Variants in ATP10B observed in about 807,000 individuals in gnomAD.
ATP10B encodes ATPase phospholipid transporting 10B (putative).
ATP10B carries 122 observed loss-of-function variants against 141.2 expected under a neutral mutation model. That is an observed-to-expected ratio of 0.86 (90% CI 0.75 to 1.00). The LOEUF (loss-of-function observed/expected upper bound fraction) is 1.00. ATP10B is among the 50% of genes least tolerant of loss of function. The probability of loss-of-function intolerance (pLI) is 0.00; values close to 1 mark genes in which losing one functional copy is unlikely to be tolerated. For missense variants in ATP10B, 1,876 were observed against 1,825.3 expected (o/e 1.03, Z -0.51); for synonymous variants, 685 against 692.0 (o/e 0.99, Z 0.16).
chr5:160,608,774 GTTGT>G (rs1461976953), intron 18 of ATP10B, among the ~76,000 whole-genome samples: 7 of 152,302 alleles, frequency 4.6e-5, no homozygotes, highest in South Asian at 2.1e-4. Context: ...TTTTGATGGG[GTTGT>G]TTGATTTTTT....
the ATP10B span, among the ~76,000 whole-genome samples, chr5:160,895,741 A>G: frequency 6.6e-6 from 1 of 152,232 alleles, no homozygotes; most frequent in Non-Finnish European, 1.5e-5. Context: ...TCAACAGAAT[A>G]TACATTCTTC....
chr5:160,695,325 G>A lies in ATP10B; in HGVS notation c.-204-6382C>T, dbSNP rs117101915. Among the ~76,000 whole-genome samples the A allele has an allele frequency of 1.1e-4, 17 of 151,468 alleles. No homozygotes were observed. In the East Asian group the frequency reaches 3.4e-3, roughly 30 times the overall value. ...GGGCCTAGCTTTGTCCAAAACAATG[G>A]CCTCCTGTAATTTTTATTTAATACC... On this transcript the variant is annotated intron_variant, in intron 3 of 25. Coordinates refer to ENST00000327245, the MANE Select transcript of ATP10B (RefSeq NM_025153.3).
At position 160,593,077 on chromosome 5, in the gene ATP10B, C is replaced by T. The variant is rs189246803; in HGVS notation, c.3565-1938G>A. Among the ~76,000 whole-genome samples, 1,516 of 152,328 alleles carry T rather than the reference C, an allele frequency of 1.0e-2. 23 individuals are homozygous for T. The highest frequency in any genetic ancestry group is 0.034 in the African/African-American group (1,430 of 41,566). ...GAAGAGAGCAGTGGTTCTCCCAGCACGCAGCTGGAGATCTGAGAATGGGCA... is the reference window on the plus strand; with the variant it reads ...GAAGAGAGCAGTGGTTCTCCCAGCATGCAGCTGGAGATCTGAGAATGGGCA... On this transcript the variant is annotated intron_variant, in intron 22 of 25. Coordinates refer to ENST00000327245, the MANE Select transcript of ATP10B (RefSeq NM_025153.3).
intron 2 of ATP10B, among the ~76,000 whole-genome samples, chr5:160,735,035 AC>A (rs1182880824): frequency 6.6e-6 from 1 of 151,526 alleles, no homozygotes; most frequent in African/African-American, 2.4e-5. Context: ...AAATAATATC[AC>A]CAGAGAAAAT....
chr5:160,789,020 G>A (rs1417319326), intron 1 of ATP10B, among the ~76,000 whole-genome samples: 2 of 152,142 alleles, frequency 1.3e-5, no homozygotes, highest in South Asian at 2.1e-4. Context: ...GGCCTCAATA[G>A]TTGGCTTCAT....
intron 1 of ATP10B, among the ~76,000 whole-genome samples, chr5:160,802,205 G>A (rs530257059): frequency 1.3e-5 from 2 of 152,282 alleles, no homozygotes; most frequent in East Asian, 1.9e-4. Context: ...CCTAACATAA[G>A]CTGAGGAAGA....
chr5:160,730,245 G>A (rs1264639270), intron 2 of ATP10B, among the ~76,000 whole-genome samples: 1 of 152,124 alleles, frequency 6.6e-6, no homozygotes, highest in Non-Finnish European at 1.5e-5. Flanking sequence ...GGGCCCCACA[G>A]CCATGGGCAT....
the ATP10B span, among the ~76,000 whole-genome samples, chr5:160,894,238 G>A: frequency 6.6e-6 from 1 of 152,072 alleles, no homozygotes; most frequent in East Asian, 1.9e-4. Context: ...CAGAAGGTGG[G>A]TAATAACAAA....
At chr5:160,818,891 T>C (rs1164051649) in intron 1 of ATP10B, among the ~76,000 whole-genome samples, 1 of 152,028 alleles carries the variant, frequency 6.6e-6, no homozygotes, top group Non-Finnish European at 1.5e-5. Context: ...CAGCAAACTA[T>C]TTCAAGGACA....
At chr5:160,882,782 A>G in the ATP10B span, among the ~76,000 whole-genome samples, 2 of 152,192 alleles carry the variant, frequency 1.3e-5, no homozygotes, top group African/African-American at 4.8e-5. Context: ...TCAAAAATAT[A>G]TGGCTATGGA....
chr5:160,585,152 C>A (rs954621594), intron 24 of ATP10B, among the ~76,000 whole-genome samples: 1 of 152,132 alleles, frequency 6.6e-6, no homozygotes, highest in Admixed American at 6.5e-5. Context: ...TTCTAGCCAC[C>A]ATTTCCTCTT....
At chr5:160,616,100 GAC>G in intron 16 of ATP10B, 136 bp from the exon 17 acceptor site, 1 of 785,894 alleles carries the variant, frequency 1.3e-6, no homozygotes, top group Non-Finnish European at 1.7e-6. Context: ...TCTTCTCAAA[GAC>G]TTTTTTTTAA....
At chr5:160,641,469 A>G (rs1242498383) in intron 9 of ATP10B, among the ~76,000 whole-genome samples, 1 of 152,180 alleles carries the variant, frequency 6.6e-6, no homozygotes, top group Non-Finnish European at 1.5e-5. Flanking sequence ...AAAACTACCA[A>G]TCTCACCCAG....
chr5:160,808,152 G>A (rs1359768690), intron 1 of ATP10B, among the ~76,000 whole-genome samples: 2 of 152,146 alleles, frequency 1.3e-5, no homozygotes, highest in African/African-American at 4.8e-5. Flanking sequence ...TGGAAAAGTG[G>A]AGAAGTTTAA....
chr5:160,622,398 T>C lies in ATP10B; in HGVS notation c.1808A>G (p.Gln603Arg). The C allele has an allele frequency of 6.2e-7, 1 of 1,611,872 alleles. No individual in the cohort carries two copies. The highest frequency in any genetic ancestry group is 8.5e-7 in the Non-Finnish European group (1 of 1,179,158). The change falls in exon 14 of 26, where the codon CAG (glutamine) becomes CGG (arginine). Residue 603 changes from glutamine to arginine, a missense_variant. By Grantham distance (43) the Gln-to-Arg change is conservative. Coordinates refer to ENST00000327245, the MANE Select transcript of ATP10B (RefSeq NM_025153.3). The part of the protein sequence containing the change: ...VMVSTTTEPR[Q>R]RVTIKPSSKA... ...CCAGCCATCGCTGGTCCTTACCCTC[T>C]GCCTGGGCTCGGTGGTTGTGGACAC...
chr5:160,734,724 A>C (rs1347603630), intron 2 of ATP10B, among the ~76,000 whole-genome samples: 3 of 152,064 alleles, frequency 2.0e-5, no homozygotes, highest in Non-Finnish European at 2.9e-5. Context: ...TTGAAACAGA[A>C]GGGTCAAGTT....
At chr5:160,594,863 C>T (rs1445464306) in intron 22 of ATP10B, among the ~76,000 whole-genome samples, 2 of 152,194 alleles carry the variant, frequency 1.3e-5, no homozygotes, top group African/African-American at 2.4e-5. Flanking sequence ...TATATATGCA[C>T]CCAATACAGG....
At chr5:160,880,687 A>C in the ATP10B span, among the ~76,000 whole-genome samples, 4 of 152,252 alleles carry the variant, frequency 2.6e-5, no homozygotes, top group African/African-American at 4.8e-5. Flanking sequence ...ATATAATACA[A>C]TGGAACAAAG....
chr5:160,848,692 GCT>G lies in ATP10B; in HGVS notation c.-576+3247_-576+3248del, dbSNP rs541600463. Among the ~76,000 whole-genome samples, 390 of 152,268 alleles carry G rather than the reference GCT, an allele frequency of 2.6e-3. 2 individuals are homozygous for G. The highest frequency in any genetic ancestry group is 8.8e-3 in the African/African-American group (364 of 41,566). ...CCTAAAGACATCAAAATTGCATCCA[GCT>G]CTCTTTGTTGAAATGGGAGATTAGC... On this transcript the variant is annotated intron_variant, in intron 1 of 25. Transcript: ENST00000327245.
Sources: allele counts gnomAD v4.1 joint callset (sites outside exome capture counted in the v4.1 genomes callset), GRCh38; gene constraint gnomAD v4.1.1; transcripts MANE v1.5; gene names NCBI Gene and HGNC (gene_info 2026-07-23, HGNC 2026-07-21).